The following CARM1 variants were observed in gnomAD, a reference collection of about 807,000 sequenced individuals.
CARM1 encodes coactivator associated arginine methyltransferase 1.
A neutral mutation model predicts 72.7 loss-of-function variants in CARM1; 14 were observed. The ratio of observed to expected loss-of-function variants is 0.19; its 90% confidence interval spans 0.13 to 0.30. The LOEUF is 0.30. CARM1 is among the 10% of genes least tolerant of loss of function. The pLI, the probability that CARM1 is intolerant of heterozygous loss-of-function variation, is 1.00. For synonymous variants in CARM1, 333 were observed against 345.5 expected, an observed-to-expected ratio of 0.96 and a Z score of 0.40; for missense variants, 432 against 833.7, an observed-to-expected ratio of 0.52 and a Z score of 5.93.
At chr19:10,904,770 T>G (rs985273820) in intron 1 of CARM1, among the ~76,000 whole-genome samples, 181 bp from the exon 2 acceptor site, 1 of 152,186 alleles carries the variant, frequency 6.6e-6, no homozygotes, top group Non-Finnish European at 1.5e-5. Context: ...AGTCGCTCCC[T>G]TGTCTTCCAT....
Position 10,880,215 on chromosome 19 carries a change from A to G in CARM1, c.220+8293A>G, listed in dbSNP as rs144529084. On this transcript the variant is annotated intron_variant, in intron 1 of 15. Transcript: ENST00000327064. ...CCTGGGAGGTGGTGAGTTTGCAAAG[A>G]CATCCAGGGAAGCAGCCACTTAAGC... Among the ~76,000 whole-genome samples, 461 of 152,310 alleles carry G rather than the reference A, an allele frequency of 3.0e-3. 1 individual carries two copies. Among genetic ancestry groups the G allele is most frequent in the African/African-American group, 0.011 (448 of 41,562 alleles).
At position 10,912,845 on chromosome 19, in the gene CARM1, C is replaced by G. The variant is rs1394977216; in HGVS notation, c.669+551C>G. ...GCTGTTGCTTTAGCTGCATTGTGTC[C>G]GCAGCGACACTCAGACTCCTTCCAG... is the stretch of plus-strand genomic sequence containing the variant. On this transcript the variant is annotated intron_variant, in intron 5 of 15. Transcript: ENST00000327064. The surrounding 1 kb of genome is among the most constrained non-coding windows in gnomAD (Gnocchi z 4.5). Among the ~76,000 whole-genome samples, 31 of 152,276 alleles carry G rather than the reference C, an allele frequency of 2.0e-4. No homozygotes were observed. Among genetic ancestry groups the G allele is most frequent in the Admixed American group, 2.0e-3 (31 of 15,284 alleles).
intron 1 of CARM1, among the ~76,000 whole-genome samples, chr19:10,877,711 C>T (rs1003370907): frequency 3.3e-5 from 5 of 151,792 alleles, no homozygotes; most frequent in African/African-American, 4.8e-5. Context: ...TGCGAGCCAC[C>T]GCACCCAGCC....
Position 10,921,941 on chromosome 19 carries a change from C to T in CARM1, c.*184C>T, listed in dbSNP as rs2074259558. ...GCCGTCCCCACCCTAACCCCCACCT[C>T]CCGGCCCTGAGCGTGTGTCGCTGCC... is the stretch of plus-strand genomic sequence containing the variant. On this transcript the variant is annotated 3_prime_UTR_variant, in exon 16 of 16. Transcript: ENST00000327064. 1 of 576,248 alleles carries T rather than the reference C, an allele frequency of 1.7e-6. No individual in the cohort carries two copies. The allele number at this position is 576,248 out of a possible 1,614,324, so 35.7% of individuals were successfully genotyped here.
chr19:10,890,329 G>A (rs1184112596), intron 1 of CARM1, among the ~76,000 whole-genome samples: 3 of 149,750 alleles, frequency 2.0e-5, no homozygotes, highest in African/African-American at 7.4e-5. Flanking sequence ...GTGCAGTGGC[G>A]CGATCTTGGC....
At chr19:10,888,827 C>T (rs764259121) in intron 1 of CARM1, among the ~76,000 whole-genome samples, 3 of 152,144 alleles carry the variant, frequency 2.0e-5, no homozygotes, top group Non-Finnish European at 4.4e-5. Context: ...AAGGGGGTGC[C>T]CCGTCTCTTT....
chr19:10,908,837 T>C (rs890449460), intron 3 of CARM1: 2 of 347,754 alleles, frequency 5.8e-6, no homozygotes, highest in Admixed American at 9.2e-5. Flanking sequence ...TGGCAAATCT[T>C]GAGTTCTCCT....
intron 1 of CARM1, among the ~76,000 whole-genome samples, chr19:10,895,477 C>G (rs917787013): frequency 6.6e-6 from 1 of 151,992 alleles, no homozygotes. Context: ...GCCCAAAGAC[C>G]CCCTGCTTGT....
chr19:10,889,383 C>T (rs543152462), intron 1 of CARM1, among the ~76,000 whole-genome samples: 4 of 151,442 alleles, frequency 2.6e-5, no homozygotes, highest in South Asian at 4.2e-4. Flanking sequence ...GGTGCAATCT[C>T]GGCTCACTGC....
At position 10,871,950 on chromosome 19, in the gene CARM1, A is replaced by G. The variant is rs111430161; in HGVS notation, c.220+28A>G. 8.5e-7 allele frequency: 1 copy of G among 1,171,832 alleles called. No individual in the cohort carries two copies. The highest frequency in any genetic ancestry group is 1.1e-6 in the Non-Finnish European group (1 of 949,386). The allele number at this position is 1,171,832 out of a possible 1,614,324, so 72.6% of individuals were successfully genotyped here. On this transcript the variant is annotated intron_variant, in intron 1 of 15. Transcript: ENST00000327064. This position sits in a 1 kb window ranked among gnomAD's most constrained non-coding sequence, Gnocchi z 5.6. Reference sequence around the variant, plus strand: ...GAGTACGGGGCCCCGGGGCAGGCGCAGGGCCGGGGCTGCTCACGAGGCCGG... The same window carrying G: ...GAGTACGGGGCCCCGGGGCAGGCGCGGGGCCGGGGCTGCTCACGAGGCCGG...
chr19:10,880,038 T>C lies in CARM1; in HGVS notation c.220+8116T>C, dbSNP rs555949097. Among the ~76,000 whole-genome samples the C allele has an allele frequency of 1.2e-4, 18 of 151,894 alleles. No homozygotes were observed. In the South Asian group the frequency reaches 3.5e-3, roughly 30 times the overall value. ...CAAGGCCTTTCAACAGAAGCTGGAGTGTGGTGTGAACTTGCTAATGACTTT... is the reference window on the plus strand; with the variant it reads ...CAAGGCCTTTCAACAGAAGCTGGAGCGTGGTGTGAACTTGCTAATGACTTT... On this transcript the variant is annotated intron_variant, in intron 1 of 15. Coordinates refer to ENST00000327064, the MANE Select transcript of CARM1 (RefSeq NM_199141.2).
At chr19:10,897,621 T>C (rs145470856) in intron 1 of CARM1, among the ~76,000 whole-genome samples, 67 of 152,354 alleles carry the variant, frequency 4.4e-4, no homozygotes, top group Middle Eastern at 6.8e-3. Flanking sequence ...TCCGGGTTTG[T>C]GTTCTTTACG....
chr19:10,921,502 C>A, intron 15 of CARM1, 59 bp downstream of exon 15: 1 of 1,572,280 alleles, frequency 6.4e-7, no homozygotes, highest in Non-Finnish European at 8.6e-7. Flanking sequence ...GAGTCGCCAT[C>A]CTCTGTCCGG....
intron 1 of CARM1, among the ~76,000 whole-genome samples, chr19:10,894,738 TCTC>T (rs2074012197): frequency 6.8e-6 from 1 of 147,306 alleles, no homozygotes; most frequent in South Asian, 2.2e-4. Context: ...TTTCTCTCTC[TCTC>T]TTTTTTTTTT....
intron 1 of CARM1, among the ~76,000 whole-genome samples, chr19:10,895,418 T>C (rs1161402680): frequency 1.3e-5 from 2 of 151,986 alleles, no homozygotes; most frequent in Non-Finnish European, 2.9e-5. Flanking sequence ...GGATGGGAGG[T>C]TTGAAGGGAC....
At chr19:10,890,477 A>C (rs2073975529) in intron 1 of CARM1, among the ~76,000 whole-genome samples, 1 of 151,386 alleles carries the variant, frequency 6.6e-6, no homozygotes, top group South Asian at 2.1e-4. Flanking sequence ...CATGTTGGCC[A>C]GACTGGTTTC....
chr19:10,892,457 C>T (rs1434566312), intron 1 of CARM1, among the ~76,000 whole-genome samples: 6 of 152,176 alleles, frequency 3.9e-5, no homozygotes, highest in East Asian at 3.8e-4. Flanking sequence ...CTCAGATACC[C>T]GGGGCTGGGC....
chr19:10,919,433 G>A (rs1204680568), intron 8 of CARM1, 162 bp from the exon 9 acceptor site: 1 of 605,634 alleles, frequency 1.7e-6, no homozygotes. Flanking sequence ...GCCCTCGGTG[G>A]CGTTGTGCCG....
intron 1 of CARM1, among the ~76,000 whole-genome samples, chr19:10,898,856 G>A (rs925085375): frequency 6.6e-6 from 1 of 152,172 alleles, no homozygotes; most frequent in African/African-American, 2.4e-5. Context: ...GAGGGGAGAG[G>A]AAGGGAGAAA....
Sources: gnomAD v4.1 joint callset for allele counts (sites outside exome capture counted in the v4.1 genomes callset) on GRCh38, gnomAD v4.1.1 for gene constraint, Gnocchi (gnomAD v3.1) non-coding constraint, MANE v1.5 for transcripts, NCBI Gene and HGNC (gene_info 2026-07-23, HGNC 2026-07-21) for gene names.